Variants in TENM4 observed in about 807,000 individuals in gnomAD.
TENM4 encodes the protein teneurin transmembrane protein 4.
Under a neutral mutation model 243.3 loss-of-function variants are expected in TENM4, and 82 were observed. The observed-to-expected ratio is 0.34, with a 90% CI of 0.28 to 0.40. TENM4 has a LOEUF of 0.40. Ranked by LOEUF, TENM4 falls within the 10% of genes least tolerant of loss-of-function variation. The probability of loss-of-function intolerance (pLI) is 1.00; values close to 1 mark genes in which losing one functional copy is unlikely to be tolerated. For missense variants in TENM4, 3,138 were observed against 3,673.3 expected, an observed-to-expected ratio of 0.85 and a Z score of 3.77; for synonymous variants, 1,412 against 1,456.3, an observed-to-expected ratio of 0.97 and a Z score of 0.69.
chr11:79,171,377 G>A (rs539229065), intron 3 of TENM4, among the ~76,000 whole-genome samples: 24 of 152,330 alleles, frequency 1.6e-4, no homozygotes, highest in Admixed American at 1.0e-3. Flanking sequence ...AAGTATTTCA[G>A]AGCCAGGATG....
intron 33 of TENM4, among the ~76,000 whole-genome samples, chr11:78,659,046 G>T (rs183736959): frequency 6.6e-6 from 1 of 152,174 alleles, no homozygotes; most frequent in African/African-American, 2.4e-5. Context: ...TGTTCAGGGG[G>T]TATCTAATCT....
At chr11:79,281,623 A>G (rs571620031) in intron 2 of TENM4, among the ~76,000 whole-genome samples, 1 of 152,134 alleles carries the variant, frequency 6.6e-6, no homozygotes, top group Non-Finnish European at 1.5e-5. Context: ...CTGTAGGGCC[A>G]TGGAGGGAAA....
chr11:79,356,966 A>T (rs1397857759), intron 1 of TENM4, among the ~76,000 whole-genome samples: 2 of 152,070 alleles, frequency 1.3e-5, no homozygotes, highest in Non-Finnish European at 2.9e-5. Flanking sequence ...AGACCTCAGT[A>T]TGCTGCTGGA....
At chr11:79,400,618 T>C (rs946258483) in intron 1 of TENM4, among the ~76,000 whole-genome samples, 1 of 152,208 alleles carries the variant, frequency 6.6e-6, no homozygotes, top group East Asian at 1.9e-4. Flanking sequence ...CCCCATCTAA[T>C]GCATCTTTAA....
At chr11:79,349,709 G>C (rs1016602205) in intron 1 of TENM4, among the ~76,000 whole-genome samples, 1 of 152,180 alleles carries the variant, frequency 6.6e-6, no homozygotes, top group Non-Finnish European at 1.5e-5. Flanking sequence ...CAGGGAAAGG[G>C]GAGAGAGAGT....
rs148048782 is a variant in TENM4, at chr11:79,070,686, C to T, written c.-65-677G>A. Among the ~76,000 whole-genome samples, 43 of 152,208 alleles carry T rather than the reference C, an allele frequency of 2.8e-4. No individual in the cohort carries two copies. The East Asian group carries it at 6.8e-3, about 24-fold the overall frequency. On this transcript the variant is annotated intron_variant, in intron 4 of 33. Transcript: ENST00000278550. ...CGAACAAGGGCTGGTACACAGTAGG[C>T]GCATAATAAAGATGTGTTTAATTAA...
intron 9 of TENM4, among the ~76,000 whole-genome samples, chr11:78,864,242 G>A (rs1285858215): frequency 6.6e-6 from 1 of 151,942 alleles, no homozygotes; most frequent in East Asian, 1.9e-4. Context: ...TTTGTGCCAT[G>A]TGCATATATT....
chr11:79,336,987 C>T (rs2135454205), intron 1 of TENM4, among the ~76,000 whole-genome samples: 1 of 152,324 alleles, frequency 6.6e-6, no homozygotes, highest in African/African-American at 2.4e-5. Context: ...ATTCAAGGCA[C>T]AGTCTCCCCA....
Position 78,656,755 on chromosome 11 carries a change from T to G in TENM4, c.*1303A>C. On this transcript the variant is annotated 3_prime_UTR_variant, in exon 34 of 34. Coordinates refer to ENST00000278550, the MANE Select transcript of TENM4 (RefSeq NM_001098816.3). The stretch of plus-strand genomic sequence containing the variant: ...TTTCTTCCTGTCACTAAAAAACACA[T>G]TGGGTGGGCTTCTCTAGAGGGGAAG... The G allele has an allele frequency of 5.9e-5, 19 of 323,310 alleles. No individual in the cohort carries two copies. The highest frequency in any genetic ancestry group is 5.6e-5 in the Non-Finnish European group (10 of 178,912). The allele number at this position is 323,310 out of a possible 1,614,324, so 20.0% of individuals were successfully genotyped here. A position where few individuals can be genotyped will look rare whatever the true frequency, so the allele number is the denominator to read the frequency against.
intron 3 of TENM4, among the ~76,000 whole-genome samples, chr11:79,154,207 G>C (rs1276661990): frequency 6.6e-6 from 1 of 152,062 alleles, no homozygotes. Context: ...GTTGGCATCT[G>C]CTTCTGGTGA....
At chr11:78,799,512 A>G (rs1166043187) in intron 15 of TENM4, among the ~76,000 whole-genome samples, 2 of 152,214 alleles carry the variant, frequency 1.3e-5, no homozygotes, top group East Asian at 1.9e-4. Context: ...ATATAAAACT[A>G]CTTCATTTAT....
rs570735125 is a variant in TENM4 at position 78,986,535 on chromosome 11, G to T, written c.493+78203C>A. ...GAGCCAAATGGGCAAATTTTATCTT[G>T]GTTCTTTGGGTGACTGCCAGTTTGG... On this transcript the variant is annotated intron_variant, in intron 6 of 33. Coordinates refer to ENST00000278550, the MANE Select transcript of TENM4 (RefSeq NM_001098816.3). Among the ~76,000 whole-genome samples the T allele has an allele frequency of 4.6e-5, 7 of 152,202 alleles. No homozygotes were observed. In the South Asian group the frequency reaches 1.5e-3, roughly 32 times the overall value.
chr11:79,084,525 T>G (rs1026820524), intron 4 of TENM4, among the ~76,000 whole-genome samples: 4 of 152,170 alleles, frequency 2.6e-5, no homozygotes, highest in African/African-American at 9.7e-5. Flanking sequence ...GGAATATGAC[T>G]CCGTGATAAA....
chr11:78,931,234 TTCTC>T (rs930642694), intron 6 of TENM4, among the ~76,000 whole-genome samples: 10 of 152,150 alleles, frequency 6.6e-5, no homozygotes, highest in African/African-American at 1.9e-4. Context: ...CTTGCAAGGT[TTCTC>T]TCTATCTCTC....
intron 4 of TENM4, among the ~76,000 whole-genome samples, chr11:79,119,011 C>T (rs923789810): frequency 3.3e-5 from 5 of 152,092 alleles, no homozygotes; most frequent in Non-Finnish European, 7.4e-5. Flanking sequence ...CAACATTTTA[C>T]CTAATCCATT....
chr11:79,104,576 T>G (rs1429790931), intron 4 of TENM4, among the ~76,000 whole-genome samples: 10 of 152,252 alleles, frequency 6.6e-5, no homozygotes, highest in African/African-American at 2.4e-4. Context: ...TTTCCCCATA[T>G]GGAGTAACCC....
chr11:78,953,302 G>A (rs898200517), intron 6 of TENM4, among the ~76,000 whole-genome samples: 4 of 152,198 alleles, frequency 2.6e-5, no homozygotes, highest in African/African-American at 9.7e-5. Context: ...TCACCCAGGA[G>A]GGGGAGGGGG....
At chr11:78,890,848 T>C (rs1200222516) in intron 8 of TENM4, among the ~76,000 whole-genome samples, 1 of 152,190 alleles carries the variant, frequency 6.6e-6, no homozygotes, top group Non-Finnish European at 1.5e-5. Flanking sequence ...TGGAGTGTGC[T>C]GGTTGCACTG....
intron 6 of TENM4, among the ~76,000 whole-genome samples, chr11:79,047,940 T>C (rs1294063562): frequency 6.6e-6 from 1 of 152,186 alleles, no homozygotes; most frequent in Non-Finnish European, 1.5e-5. Context: ...TGAAGAGCAC[T>C]TAATTAATAT....
Sources: allele counts gnomAD v4.1 joint callset (sites outside exome capture counted in the v4.1 genomes callset), GRCh38; gene constraint gnomAD v4.1.1; transcripts MANE v1.5; gene names NCBI Gene and HGNC (gene_info 2026-07-23, HGNC 2026-07-21).